Variants in LUZP2 observed in about 807,000 individuals in gnomAD.
The protein encoded by LUZP2 is leucine zipper protein 2.
LUZP2 carries 52 observed loss-of-function variants against 51.6 expected under a neutral mutation model. The observed-to-expected ratio is 1.01, with a 90% confidence interval of 0.81 to 1.27. The LOEUF is 1.27. Among genes scored for constraint, LUZP2 ranks in the 50% most tolerant of loss-of-function variants. The pLI is 0.00. For synonymous variants in LUZP2, 154 were observed against 137.3 expected, an observed-to-expected ratio of 1.12 and a Z score of -0.85; for missense variants, 436 against 395.4, an observed-to-expected ratio of 1.10 and a Z score of -0.87.
chr11:24,700,088 C>T (rs1857380022), intron 1 of LUZP2, among the ~76,000 whole-genome samples: 1 of 111,822 alleles, frequency 8.9e-6, no homozygotes, highest in South Asian at 2.9e-4. Flanking sequence ...TTGAGATGGA[C>T]TTCCACTCTG....
At chr11:25,000,967 C>T (rs950562235) in intron 9 of LUZP2, among the ~76,000 whole-genome samples, 11 of 152,126 alleles carry the variant, frequency 7.2e-5, no homozygotes, top group African/African-American at 2.7e-4. Context: ...ATTCTGGTTC[C>T]TGTAGCAGTG....
chr11:24,617,792 C>T (rs1156260140), intron 1 of LUZP2, among the ~76,000 whole-genome samples: 2 of 151,924 alleles, frequency 1.3e-5, no homozygotes, highest in African/African-American at 2.4e-5. Context: ...CACCACTACA[C>T]TCCAGCCTAG....
chr11:24,905,769 C>A (rs1350065800), intron 5 of LUZP2, among the ~76,000 whole-genome samples: 2 of 152,000 alleles, frequency 1.3e-5, no homozygotes, highest in Non-Finnish European at 2.9e-5. Context: ...CTAGAAATTA[C>A]CTTTTTAAAT....
chr11:24,873,849 C>T (rs1852161265), intron 5 of LUZP2, among the ~76,000 whole-genome samples: 1 of 152,170 alleles, frequency 6.6e-6, no homozygotes, highest in Admixed American at 6.6e-5. Flanking sequence ...AGAAAAACTA[C>T]ATCTTGCTAG....
At chr11:25,031,192 A>C (rs1590857271) in intron 9 of LUZP2, among the ~76,000 whole-genome samples, 1 of 149,620 alleles carries the variant, frequency 6.7e-6, no homozygotes, top group Non-Finnish European at 1.5e-5. Flanking sequence ...TTGTGTTTTT[A>C]GTAGAAATGG....
At chr11:24,559,903 T>C (rs1449133338) in intron 1 of LUZP2, among the ~76,000 whole-genome samples, 2 of 152,122 alleles carry the variant, frequency 1.3e-5, no homozygotes, top group South Asian at 2.1e-4. Context: ...GACTGGTGTT[T>C]TTTTAGGGAG....
At chr11:24,710,421 C>T (rs1590380901) in intron 1 of LUZP2, among the ~76,000 whole-genome samples, 1 of 152,212 alleles carries the variant, frequency 6.6e-6, no homozygotes, top group Non-Finnish European at 1.5e-5. Flanking sequence ...TTTCACACAT[C>T]AAACAGAATG....
In LUZP2 at chr11:25,043,583, G is replaced by GAGATATATGTATCCAGGATATATGAT. The variant is rs1554959959; in HGVS notation, c.766-6454_766-6453insGATATATGTATCCAGGATATATGATA. Among the ~76,000 whole-genome samples, 277 of 151,324 alleles carry GAGATATATGTATCCAGGATATATGAT rather than the reference G, an allele frequency of 1.8e-3. 2 individuals carry two copies. Among genetic ancestry groups the GAGATATATGTATCCAGGATATATGAT allele is most frequent in the South Asian group, 0.017 (83 of 4,784 alleles). On this transcript the variant is annotated intron_variant, in intron 9 of 11. Coordinates refer to ENST00000336930, the MANE Select transcript of LUZP2 (RefSeq NM_001009909.4). ...AAGGATATATGTATCCAGGATATAT[G>GAGATATATGTATCCAGGATATATGAT]ATATATATATATCCTTGATTAAATT...
chr11:25,040,780 TTG>T (rs1480233246), intron 9 of LUZP2, among the ~76,000 whole-genome samples: 4 of 152,190 alleles, frequency 2.6e-5, no homozygotes, highest in African/African-American at 9.6e-5. Context: ...GATCTCATTT[TTG>T]TCAGGACTCT....
rs369010868 is a variant in LUZP2 at position 24,917,407 on chromosome 11, C to T, written c.522+2869C>T. 4.5e-4 allele frequency among the ~76,000 whole-genome samples: 68 copies of T among 152,210 alleles called. 1 individual carries two copies. In the East Asian group the frequency reaches 0.012, roughly 27 times the overall value. ...TGGTGTTTTAGACATGAAGTCCTTGCCCATGCCTATGTCCTGAATGGTATT... is the reference window on the plus strand; with the variant it reads ...TGGTGTTTTAGACATGAAGTCCTTGTCCATGCCTATGTCCTGAATGGTATT... On this transcript the variant is annotated intron_variant, in intron 7 of 11. Transcript: ENST00000336930.
At chr11:24,699,359 A>G (rs1026922613) in intron 1 of LUZP2, among the ~76,000 whole-genome samples, 1 of 152,102 alleles carries the variant, frequency 6.6e-6, no homozygotes, top group Non-Finnish European at 1.5e-5. Context: ...AATTCCCTGC[A>G]TAGTTTTTTT....
At chr11:24,846,900 T>A (rs1590631695) in intron 5 of LUZP2, among the ~76,000 whole-genome samples, 1 of 151,718 alleles carries the variant, frequency 6.6e-6, no homozygotes, top group Non-Finnish European at 1.5e-5. Context: ...TATATATGCA[T>A]ATATACATGT....
intron 1 of LUZP2, among the ~76,000 whole-genome samples, chr11:24,615,744 A>G (rs1854263738): frequency 6.6e-6 from 1 of 151,806 alleles, no homozygotes. Context: ...GAGCAGTTGT[A>G]ATATTTTACC....
intron 9 of LUZP2, among the ~76,000 whole-genome samples, chr11:25,040,016 C>T (rs1414241019): frequency 2.0e-5 from 3 of 152,070 alleles, no homozygotes; most frequent in African/African-American, 4.8e-5. Flanking sequence ...GGGTGGACCA[C>T]CCTCACACCC....
At chr11:24,532,808 G>C (rs1321343573) in intron 1 of LUZP2, among the ~76,000 whole-genome samples, 1 of 150,968 alleles carries the variant, frequency 6.6e-6, no homozygotes, top group Non-Finnish European at 1.5e-5. Flanking sequence ...AAATACTTCA[G>C]ATTATTTAGT....
intron 5 of LUZP2, among the ~76,000 whole-genome samples, chr11:24,793,164 C>T (rs890116940): frequency 7.2e-5 from 11 of 152,038 alleles, no homozygotes; most frequent in Non-Finnish European, 1.3e-4. Context: ...GTCAGGTTAC[C>T]TTTTCTGGAA....
chr11:24,819,761 G>T (rs1850300560), intron 5 of LUZP2, among the ~76,000 whole-genome samples: 1 of 136,960 alleles, frequency 7.3e-6, no homozygotes, highest in African/African-American at 2.9e-5. Context: ...CTTATAATAG[G>T]CTAGTTATTT....
chr11:24,508,118 A>G (rs1850195126), intron 1 of LUZP2, among the ~76,000 whole-genome samples: 7 of 152,134 alleles, frequency 4.6e-5, no homozygotes, highest in Admixed American at 4.6e-4. Flanking sequence ...ACTAAGGCAC[A>G]TGAGATTAGA....
intron 5 of LUZP2, among the ~76,000 whole-genome samples, chr11:24,827,711 C>T (rs1850584165): frequency 1.3e-5 from 2 of 152,076 alleles, no homozygotes; most frequent in Non-Finnish European, 2.9e-5. Flanking sequence ...ACTCTGTCTT[C>T]GAATCAGTAA....
Sources: gnomAD v4.1 joint callset for allele counts (sites outside exome capture counted in the v4.1 genomes callset) on GRCh38, gnomAD v4.1.1 for gene constraint, MANE v1.5 for transcripts, NCBI Gene and HGNC (gene_info 2026-07-23, HGNC 2026-07-21) for gene names.